Variants in ASIC5 observed in about 807,000 individuals in gnomAD.
The protein encoded by ASIC5 is bile acid-sensitive ion channel.
Under a neutral mutation model 51.2 loss-of-function variants are expected in ASIC5, and 52 were observed. The ratio of observed to expected loss-of-function variants is 1.02; its 90% CI spans 0.81 to 1.28. The LOEUF is 1.28. ASIC5 is among the 50% of genes most tolerant of loss of function. ASIC5 has a pLI of 0.00. For missense variants in ASIC5, 635 were observed against 595.0 expected (o/e 1.07, Z -0.70); for synonymous variants, 231 against 200.7 (o/e 1.15, Z -1.28).
intron 2 of ASIC5, among the ~76,000 whole-genome samples, chr4:155,860,612 G>A (rs1741678142): frequency 6.6e-6 from 1 of 151,666 alleles, no homozygotes; most frequent in Non-Finnish European, 1.5e-5. Flanking sequence ...TGTTCCCTAA[G>A]GAAGAATAAT....
intron 6 of ASIC5, among the ~76,000 whole-genome samples, chr4:155,839,596 C>T (rs779423515): frequency 3.3e-5 from 5 of 152,042 alleles, no homozygotes; most frequent in Admixed American, 6.6e-5. Flanking sequence ...CAGCAGTTAG[C>T]CACAATGTTT....
At chr4:155,851,186 A>G (rs1395501305) in intron 4 of ASIC5, among the ~76,000 whole-genome samples, 1 of 152,032 alleles carries the variant, frequency 6.6e-6, no homozygotes, top group Non-Finnish European at 1.5e-5. Context: ...AAAATTGATA[A>G]TATAATGTTC....
intron 4 of ASIC5, among the ~76,000 whole-genome samples, chr4:155,849,010 T>C (rs1741319132): frequency 6.6e-6 from 1 of 152,090 alleles, no homozygotes; most frequent in Non-Finnish European, 1.5e-5. Flanking sequence ...TATTCTTAAC[T>C]TGTGGCAATA....
At chr4:155,837,164 ATAT>A (rs1741003310) in intron 7 of ASIC5, among the ~76,000 whole-genome samples, 2 of 2,780 alleles carry the variant, frequency 7.2e-4, no homozygotes, top group Non-Finnish European at 1.3e-3. Context: ...GGACAGAAGA[ATAT>A]CTGGGTCTAT....
chr4:155,843,692 G>T lies in ASIC5; in HGVS notation c.850C>A (p.Arg284Ser). The change falls in exon 5 of 10, where the codon CGC becomes AGC. Residue 284 changes from arginine (R) to serine (S), a missense_variant. Arg to Ser is a moderately radical substitution (Grantham distance 110). Coordinates refer to ENST00000537611, the MANE Select transcript of ASIC5 (RefSeq NM_017419.3). Reference sequence around the variant, plus strand: ...ACTCGAGTATTTACCTTCACTTGGCGGATGGTTACCCTTGCGTGCATTCCC... The same window carrying T: ...ACTCGAGTATTTACCTTCACTTGGCTGATGGTTACCCTTGCGTGCATTCCC... ...PVGMHARVTI[R>S]QVKTVHQEYP... is the part of the protein sequence containing the mutation. The T allele has an allele frequency of 1.2e-6, 2 of 1,613,212 alleles. No homozygotes were observed. The highest frequency in any genetic ancestry group is 2.2e-5 in the South Asian group (2 of 91,004).
intron 4 of ASIC5, among the ~76,000 whole-genome samples, chr4:155,847,412 G>T (rs995407697): frequency 3.9e-5 from 6 of 151,936 alleles, no homozygotes; most frequent in African/African-American, 1.4e-4. Context: ...CCCCACAGCA[G>T]ATTCCAATAA....
At chr4:155,854,422 C>G in intron 2 of ASIC5, 108 bp from the exon 3 acceptor site, 1 of 826,152 alleles carries the variant, frequency 1.2e-6, no homozygotes, top group South Asian at 1.7e-5. Flanking sequence ...CTCCCACACT[C>G]TCCCTTATTT....
intron 4 of ASIC5, among the ~76,000 whole-genome samples, chr4:155,850,355 C>T (rs74949167): frequency 0.029 from 4,378 of 152,028 alleles, 97 homozygotes; most frequent in South Asian, 0.059. Flanking sequence ...TGGATAAAAC[C>T]AATGTATGTC....
At chr4:155,859,212 A>C (rs938020692) in intron 2 of ASIC5, among the ~76,000 whole-genome samples, 1 of 152,086 alleles carries the variant, frequency 6.6e-6, no homozygotes, top group Non-Finnish European at 1.5e-5. Context: ...CAACTGGAAC[A>C]GATTTTAAAA....
chr4:155,855,452 A>C (rs1174226009), intron 2 of ASIC5: 1 of 151,908 alleles, frequency 6.6e-6, no homozygotes, highest in African/African-American at 2.4e-5. Flanking sequence ...TCTGCATTCC[A>C]TATGGTTCTT....
intron 4 of ASIC5, among the ~76,000 whole-genome samples, chr4:155,849,256 C>G (rs1161209285): frequency 6.6e-6 from 1 of 152,074 alleles, no homozygotes; most frequent in Admixed American, 6.6e-5. Context: ...TTCTGACAGG[C>G]CCAGAAGCTC....
At chr4:155,847,728 A>G in intron 4 of ASIC5, among the ~76,000 whole-genome samples, 1 of 152,034 alleles carries the variant, frequency 6.6e-6, no homozygotes, top group East Asian at 1.9e-4. Context: ...TCTCAGTAAA[A>G]AAAATAAATA....
intron 6 of ASIC5, 41 bp from the exon 7 acceptor site, chr4:155,838,910 T>G: frequency 8.5e-7 from 1 of 1,174,650 alleles, no homozygotes; most frequent in Non-Finnish European, 1.2e-6. Context: ...CTTTACATTT[T>G]GTAAAATAAG....
intron 4 of ASIC5, among the ~76,000 whole-genome samples, chr4:155,848,028 A>G (rs1047323117): frequency 6.6e-6 from 1 of 152,128 alleles, no homozygotes; most frequent in Admixed American, 6.6e-5. Context: ...GTTATATTTT[A>G]TGGTCAAGAT....
rs981375360 is a variant in ASIC5 at position 155,836,460 on chromosome 4, A to G, written c.1235+229T>C. Reference sequence around the variant, plus strand: ...GGGCAATAAATGTTTGATCATGAGCAAGTTACTCAAGCAAGCATCATTTTC... The same window carrying G: ...GGGCAATAAATGTTTGATCATGAGCGAGTTACTCAAGCAAGCATCATTTTC... On this transcript the variant is annotated intron_variant, in intron 8 of 9. Transcript: ENST00000537611. 9.8e-5 allele frequency among the ~76,000 whole-genome samples: 15 copies of G among 152,310 alleles called. 1 individual carries two copies. The highest frequency in any genetic ancestry group is 3.1e-4 in the African/African-American group (13 of 41,568).
At chr4:155,843,587 A>T (rs1741170276) in intron 5 of ASIC5, 94 bp downstream of exon 5, 2 of 1,372,306 alleles carry the variant, frequency 1.5e-6, no homozygotes, top group Non-Finnish European at 1.0e-6. Context: ...GGTGTTTTAC[A>T]GGCATGGGAG....
At chr4:155,839,317 T>C (rs148106455) in intron 6 of ASIC5, among the ~76,000 whole-genome samples, 119 of 150,020 alleles carry the variant, frequency 7.9e-4, no homozygotes, top group South Asian at 1.7e-3. Context: ...GCACATTCTG[T>C]ACATCTTCCA....
intron 2 of ASIC5, among the ~76,000 whole-genome samples, chr4:155,857,832 A>G (rs778631495): frequency 7.2e-5 from 11 of 152,134 alleles, no homozygotes; most frequent in Non-Finnish European, 1.2e-4. Context: ...TTAATGTCTT[A>G]CCATTCTTTA....
chr4:155,853,218 T>C (rs915012528), intron 3 of ASIC5, among the ~76,000 whole-genome samples: 1 of 152,066 alleles, frequency 6.6e-6, no homozygotes, highest in Non-Finnish European at 1.5e-5. Flanking sequence ...AAAGCTTACT[T>C]TCCAAGTTAA....
Sources: allele counts gnomAD v4.1 joint callset (sites outside exome capture counted in the v4.1 genomes callset), GRCh38; gene constraint gnomAD v4.1.1; transcripts MANE v1.5; gene names NCBI Gene and HGNC (gene_info 2026-07-23, HGNC 2026-07-21).